Variants in RAB4A observed in about 807,000 individuals in gnomAD.
RAB4A encodes ras-related protein Rab-4A.
RAB4A carries 20 observed loss-of-function variants against 34.5 expected under a neutral mutation model. The ratio of observed to expected loss-of-function variants is 0.58; its 90% CI spans 0.41 to 0.84. The LOEUF (loss-of-function observed/expected upper bound fraction) is 0.84. Ranked by LOEUF, RAB4A falls within the 40% of genes least tolerant of loss-of-function variation. The pLI, the probability that RAB4A is intolerant of heterozygous loss-of-function variation, is 0.00. For synonymous variants in RAB4A, 102 were observed against 100.0 expected (o/e 1.02, Z -0.12); for missense variants, 228 against 274.5 (o/e 0.83, Z 1.20).
rs1006775429 is a variant in RAB4A at position 229,271,129 on chromosome 1, G to C, written c.-211G>C. Reference sequence around the variant, plus strand: ...CCATCTCCTCTTCCTCCTCGCGGTCGCGGCCGGACGGAGGGTGGAGGGCCC... The same window carrying C: ...CCATCTCCTCTTCCTCCTCGCGGTCCCGGCCGGACGGAGGGTGGAGGGCCC... On this transcript the variant is annotated 5_prime_UTR_variant, in exon 1 of 8. Coordinates refer to ENST00000366690, the MANE Select transcript of RAB4A (RefSeq NM_004578.4). 2.7e-6 allele frequency: 1 copy of C among 375,896 alleles called. No homozygotes were observed. Among genetic ancestry groups the C allele is most frequent in the African/African-American group, 2.1e-5 (1 of 47,174 alleles). The allele number at this position is 375,896 out of a possible 1,614,324, so 23.3% of individuals were successfully genotyped here. A position where few individuals can be genotyped will look rare whatever the true frequency, so the allele number is the denominator to read the frequency against.
chr1:229,278,847 G>T (rs1489054995), intron 1 of RAB4A, among the ~76,000 whole-genome samples: 1 of 152,200 alleles, frequency 6.6e-6, no homozygotes, highest in Admixed American at 6.5e-5. Flanking sequence ...AATGATGTTG[G>T]TTTCACCAGA....
chr1:229,280,867 G>A (rs1430342302), intron 1 of RAB4A, among the ~76,000 whole-genome samples: 1 of 152,140 alleles, frequency 6.6e-6, no homozygotes, highest in Non-Finnish European at 1.5e-5. Flanking sequence ...TTATATAAAT[G>A]GAATCTTGCA....
At chr1:229,284,685 A>G (rs965114074) in intron 1 of RAB4A, among the ~76,000 whole-genome samples, 2 of 152,114 alleles carry the variant, frequency 1.3e-5, no homozygotes, top group Non-Finnish European at 2.9e-5. Flanking sequence ...ACAATTATGT[A>G]TTTATGTGTA....
At chr1:229,300,648 T>C (rs954133463) in intron 6 of RAB4A, among the ~76,000 whole-genome samples, 6 of 151,862 alleles carry the variant, frequency 4.0e-5, no homozygotes, top group Admixed American at 2.6e-4. Flanking sequence ...GCAGGGAATG[T>C]GAGGGAGTAA....
Position 229,305,462 on chromosome 1 carries a change from C to G in RAB4A, c.*1669C>G, listed in dbSNP as rs1657526757. ...TAATTAAACCACAGACACCATATATCCTTCTGCATCCTTTGGCCAATAAAA... is the reference window on the plus strand; with the variant it reads ...TAATTAAACCACAGACACCATATATGCTTCTGCATCCTTTGGCCAATAAAA... On this transcript the variant is annotated 3_prime_UTR_variant, in exon 8 of 8. Transcript: ENST00000366690. 1 of 555,978 alleles carries G rather than the reference C, an allele frequency of 1.8e-6. No individual in the cohort carries two copies. The highest frequency in any genetic ancestry group is 3.0e-6 in the Non-Finnish European group (1 of 337,656). 34.4% of individuals were successfully genotyped at this position (555,978 alleles called of 1,614,324 possible).
At chr1:229,278,837 A>AAT (rs1340155527) in intron 1 of RAB4A, among the ~76,000 whole-genome samples, 1 of 152,178 alleles carries the variant, frequency 6.6e-6, no homozygotes, top group Non-Finnish European at 1.5e-5. Flanking sequence ...CCCCACCTGA[A>AAT]ATGATGTTGG....
At chr1:229,278,346 GA>G (rs1018050383) in intron 1 of RAB4A, among the ~76,000 whole-genome samples, 2 of 152,198 alleles carry the variant, frequency 1.3e-5, no homozygotes, top group Non-Finnish European at 2.9e-5. Flanking sequence ...GATCATTGCA[GA>G]TGTATGGTCT....
chr1:229,298,037 G>A (rs774030555), intron 5 of RAB4A, among the ~76,000 whole-genome samples: 2 of 152,036 alleles, frequency 1.3e-5, no homozygotes, highest in Non-Finnish European at 2.9e-5. Flanking sequence ...AGAAATACTT[G>A]GCTTTTTGGC....
At chr1:229,276,707 A>G (rs1173360529) in intron 1 of RAB4A, among the ~76,000 whole-genome samples, 1 of 151,548 alleles carries the variant, frequency 6.6e-6, no homozygotes, top group African/African-American at 2.4e-5. Context: ...CTGACTTCTT[A>G]ACATGGTTTA....
intron 1 of RAB4A, among the ~76,000 whole-genome samples, chr1:229,275,318 G>T (rs965914959): frequency 6.6e-6 from 1 of 152,150 alleles, no homozygotes; most frequent in Non-Finnish European, 1.5e-5. Flanking sequence ...GAGTGCCAAG[G>T]GGTGGCTGGC....
chr1:229,290,554 A>C (rs901654807), intron 3 of RAB4A, among the ~76,000 whole-genome samples: 6 of 152,172 alleles, frequency 3.9e-5, no homozygotes, highest in African/African-American at 1.4e-4. Context: ...ACACATAAAG[A>C]GCTTCTTTTA....
chr1:229,280,976 C>T (rs905896929), intron 1 of RAB4A, among the ~76,000 whole-genome samples: 2 of 152,070 alleles, frequency 1.3e-5, no homozygotes, highest in African/African-American at 2.4e-5. Context: ...TTGTTATTTC[C>T]GAGTAGCATT....
At chr1:229,294,843 G>T (rs911217637) in intron 3 of RAB4A, among the ~76,000 whole-genome samples, 1 of 152,160 alleles carries the variant, frequency 6.6e-6, no homozygotes, top group African/African-American at 2.4e-5. Context: ...AAGACAGTTG[G>T]ATGTGGAGAA....
intron 3 of RAB4A, among the ~76,000 whole-genome samples, chr1:229,290,724 G>A (rs1208253556): frequency 6.6e-6 from 1 of 152,152 alleles, no homozygotes; most frequent in Non-Finnish European, 1.5e-5. Context: ...GATTGCATTG[G>A]AGTATGTAAT....
At chr1:229,271,477 C>T (rs1384676453) in intron 1 of RAB4A, 107 bp downstream of exon 1, 4 of 978,104 alleles carry the variant, frequency 4.1e-6, no homozygotes, top group Non-Finnish European at 5.1e-6. Flanking sequence ...GTGGCGCCGG[C>T]CGGAGCCGGG....
intron 1 of RAB4A, among the ~76,000 whole-genome samples, chr1:229,275,182 A>G (rs1361485178): frequency 6.6e-6 from 1 of 152,198 alleles, no homozygotes; most frequent in Non-Finnish European, 1.5e-5. Context: ...GTACTGAATT[A>G]TGGTGAGCCC....
Position 229,286,498 on chromosome 1 carries a change from A to G in RAB4A, c.44A>G (p.Lys15Arg). 1 of 1,574,920 alleles carries G rather than the reference A, an allele frequency of 6.3e-7. No homozygotes were observed. Among genetic ancestry groups the G allele is most frequent in the Non-Finnish European group, 8.6e-7 (1 of 1,160,464 alleles). Residue 15 changes from lysine to arginine, a missense_variant, in exon 2 of 8, where the codon AAG becomes AGG. By Grantham distance (26) the Lys-to-Arg change is conservative. Coordinates refer to ENST00000366690, the MANE Select transcript of RAB4A (RefSeq NM_004578.4). ...AMSETYDFLF[K>R]FLVIGNAGTG... ...TTTTATCTTTCAGATTTTTTGTTTA[A>G]GTTCTTGGTTATTGGAAATGCAGGA... is the stretch of plus-strand genomic sequence containing the variant.
chr1:229,287,422 A>G (rs1168693594), intron 2 of RAB4A, among the ~76,000 whole-genome samples: 1 of 152,218 alleles, frequency 6.6e-6, no homozygotes, highest in Non-Finnish European at 1.5e-5. Context: ...TAGTCACAGA[A>G]CTGGTCCTTA....
chr1:229,274,046 T>G (rs1037183502), intron 1 of RAB4A, among the ~76,000 whole-genome samples: 97 of 118,274 alleles, frequency 8.2e-4, no homozygotes, highest in African/African-American at 2.9e-3. Context: ...GGTTTTTGTT[T>G]CCCTTTTTTT....
Sources: allele counts gnomAD v4.1 joint callset (sites outside exome capture counted in the v4.1 genomes callset), GRCh38; gene constraint gnomAD v4.1.1; transcripts MANE v1.5; gene names NCBI Gene and HGNC (gene_info 2026-07-23, HGNC 2026-07-21).